OTUD7A: variants seen among roughly 807,000 people sequenced by gnomAD.
The protein encoded by OTUD7A is OTU deubiquitinase 7A.
A neutral mutation model predicts 65.7 loss-of-function variants in OTUD7A; 12 were observed. That is an observed-to-expected ratio of 0.18 (90% CI 0.12 to 0.30). OTUD7A has a LOEUF of 0.30. OTUD7A is among the 10% of genes least tolerant of loss of function. The pLI is 1.00. For missense variants in OTUD7A, 1,148 were observed against 1,304.8 expected, an observed-to-expected ratio of 0.88 and a Z score of 1.85; for synonymous variants, 641 against 586.3, an observed-to-expected ratio of 1.09 and a Z score of -1.35.
At chr15:31,863,082 T>G (rs1367659542) in intron 1 of OTUD7A, among the ~76,000 whole-genome samples, 2 of 152,324 alleles carry the variant, frequency 1.3e-5, no homozygotes, top group African/African-American at 4.8e-5. Context: ...AATGATCTCC[T>G]TTGACTCCAT....
intron 1 of OTUD7A, among the ~76,000 whole-genome samples, chr15:31,660,178 A>G (rs1566964656): frequency 6.6e-6 from 1 of 152,286 alleles, no homozygotes; most frequent in Non-Finnish European, 1.5e-5. Context: ...TAAATATGAA[A>G]AAAGGTCAGG....
At chr15:31,533,113 A>AAG (rs148940250) in intron 5 of OTUD7A, among the ~76,000 whole-genome samples, 2,945 of 152,168 alleles carry the variant, frequency 0.019, 102 homozygotes, top group African/African-American at 0.067. Flanking sequence ...CTAAAAACTA[A>AAG]AGACAAAGAA....
chr15:31,786,895 G>A (rs1895688585), intron 1 of OTUD7A, among the ~76,000 whole-genome samples: 1 of 152,176 alleles, frequency 6.6e-6, no homozygotes, highest in Non-Finnish European at 1.5e-5. Flanking sequence ...ATTATGAAAT[G>A]TGTGTGAGGC....
At chr15:31,627,434 G>A (rs1363262506) in intron 3 of OTUD7A, among the ~76,000 whole-genome samples, 1 of 151,858 alleles carries the variant, frequency 6.6e-6, no homozygotes, top group Non-Finnish European at 1.5e-5. Context: ...CATTTTTTAT[G>A]GCTGCATAGT....
At chr15:31,837,606 G>A (rs561654548) in intron 1 of OTUD7A, among the ~76,000 whole-genome samples, 52 of 152,138 alleles carry the variant, frequency 3.4e-4, no homozygotes, top group African/African-American at 1.1e-3. Context: ...AACATGTATT[G>A]GACTTGTATA....
chr15:31,616,347 A>G (rs1020334003), intron 3 of OTUD7A, among the ~76,000 whole-genome samples: 8 of 152,198 alleles, frequency 5.3e-5, no homozygotes, highest in East Asian at 1.9e-4. Flanking sequence ...ACAGAAATCA[A>G]TAACAGAAAG....
At chr15:31,553,508 T>C (rs1566916583) in intron 5 of OTUD7A, among the ~76,000 whole-genome samples, 1 of 152,090 alleles carries the variant, frequency 6.6e-6, no homozygotes, top group Non-Finnish European at 1.5e-5. Context: ...ACCCTCATGT[T>C]CATCTGGGCA....
chr15:31,789,453 A>T (rs2140935516), intron 1 of OTUD7A, among the ~76,000 whole-genome samples: 1 of 152,340 alleles, frequency 6.6e-6, no homozygotes, highest in South Asian at 2.1e-4. Flanking sequence ...TTTCATATGA[A>T]TGTTCTGACA....
intron 8 of OTUD7A, among the ~76,000 whole-genome samples, chr15:31,514,952 C>T (rs1236750653): frequency 1.3e-5 from 2 of 152,178 alleles, no homozygotes; most frequent in Non-Finnish European, 2.9e-5. Context: ...GGTGATTAGC[C>T]TGCCCAGCCA....
chr15:31,697,734 C>G (rs1267643426), intron 1 of OTUD7A, among the ~76,000 whole-genome samples: 1 of 152,234 alleles, frequency 6.6e-6, no homozygotes, highest in Non-Finnish European at 1.5e-5. Context: ...TGCTTAAAGA[C>G]CACCTGTCCT....
intron 1 of OTUD7A, among the ~76,000 whole-genome samples, chr15:31,842,595 G>A (rs1344766811): frequency 6.6e-6 from 1 of 151,446 alleles, no homozygotes; most frequent in East Asian, 1.9e-4. Context: ...ACACTGCACA[G>A]GCCAGTAATT....
At chr15:31,767,900 A>C in intron 1 of OTUD7A, 1 of 1,490,232 alleles carries the variant, frequency 6.7e-7, no homozygotes, top group East Asian at 2.3e-5. Flanking sequence ...AGGAAATCTG[A>C]AGAGCTGGTT....
At chr15:31,849,516 C>A (rs985155475) in intron 1 of OTUD7A, among the ~76,000 whole-genome samples, 2 of 152,120 alleles carry the variant, frequency 1.3e-5, no homozygotes, top group African/African-American at 2.4e-5. Flanking sequence ...GACTAAAACA[C>A]CAAAAGCAAC....
intron 1 of OTUD7A, among the ~76,000 whole-genome samples, chr15:31,723,174 G>A (rs1331606542): frequency 5.3e-5 from 8 of 152,340 alleles, no homozygotes; most frequent in Middle Eastern, 3.4e-3. Context: ...CAGAGCCTGA[G>A]AACTCGGGAT....
chr15:31,868,900 A>G (rs1431031507), intron 1 of OTUD7A, among the ~76,000 whole-genome samples: 1 of 152,230 alleles, frequency 6.6e-6, no homozygotes, highest in Non-Finnish European at 1.5e-5. Context: ...GTTCCTAACC[A>G]GGTCCCAACT....
At chr15:31,651,173 A>G (rs2141273554) in intron 3 of OTUD7A, among the ~76,000 whole-genome samples, 1 of 146,048 alleles carries the variant, frequency 6.8e-6, no homozygotes, top group South Asian at 2.2e-4. Context: ...GGAAAGAAAT[A>G]GCTGAAAGTC....
intron 1 of OTUD7A, among the ~76,000 whole-genome samples, chr15:31,830,105 G>A (rs1225253719): frequency 6.6e-6 from 1 of 152,134 alleles, no homozygotes; most frequent in Non-Finnish European, 1.5e-5. Flanking sequence ...TCGAGTCCAA[G>A]CATCTGTGTC....
intron 4 of OTUD7A, among the ~76,000 whole-genome samples, chr15:31,566,634 G>A (rs888041828): frequency 6.6e-6 from 1 of 152,074 alleles, no homozygotes. Context: ...CAATCTTGGA[G>A]GGGGGGTCTG....
At chr15:31,530,953 A>G (rs559957575) in intron 5 of OTUD7A, 145 bp from the exon 6 acceptor site, 3 of 553,376 alleles carry the variant, frequency 5.4e-6, no homozygotes, top group Non-Finnish European at 6.3e-6. Context: ...TCTCTCCTCA[A>G]ATAAAATATA....
Sources: allele counts gnomAD v4.1 joint callset (sites outside exome capture counted in the v4.1 genomes callset), GRCh38; gene constraint gnomAD v4.1.1; transcripts MANE v1.5; gene names NCBI Gene and HGNC (gene_info 2026-07-23, HGNC 2026-07-21).